PIBF1: variants seen among roughly 807,000 people sequenced by gnomAD.
The protein encoded by PIBF1 is progesterone-induced-blocking factor 1.
In PIBF1, 90 loss-of-function variants were observed where a neutral mutation model predicts 112.5. The ratio of observed to expected loss-of-function variants is 0.80; its 90% CI spans 0.67 to 0.95. PIBF1 has a LOEUF of 0.95. Among genes scored for constraint, PIBF1 ranks in the 40% least tolerant of loss-of-function variants. The pLI is 0.00. For synonymous variants in PIBF1, 301 were observed against 288.6 expected, an observed-to-expected ratio of 1.04 and a Z score of -0.44; for missense variants, 915 against 852.3, an observed-to-expected ratio of 1.07 and a Z score of -0.92.
chr13:72,954,837 T>C (rs1371968938), intron 14 of PIBF1, among the ~76,000 whole-genome samples: 1 of 152,194 alleles, frequency 6.6e-6, no homozygotes, highest in African/African-American at 2.4e-5. Flanking sequence ...ACAGTGTGAA[T>C]CTCTACACAT....
intron 9 of PIBF1, among the ~76,000 whole-genome samples, chr13:72,843,749 A>G (rs2037715642): frequency 1.3e-5 from 2 of 152,062 alleles, no homozygotes; most frequent in Non-Finnish European, 2.9e-5. Flanking sequence ...AGCCCTGACC[A>G]AGCTCAAAAG....
chr13:72,997,874 A>C (rs898670658), intron 16 of PIBF1, among the ~76,000 whole-genome samples: 1 of 2,478 alleles, frequency 4.0e-4, no homozygotes, highest in Middle Eastern at 0.25. Context: ...AATTAATCAT[A>C]AATACCCACT....
intron 14 of PIBF1, among the ~76,000 whole-genome samples, chr13:72,943,591 T>C (rs1200917836): frequency 6.6e-6 from 1 of 152,232 alleles, no homozygotes; most frequent in African/African-American, 2.4e-5. Context: ...CCAGATTCTT[T>C]AGCGTGGCAT....
intron 13 of PIBF1, among the ~76,000 whole-genome samples, chr13:72,924,336 G>A (rs941112993): frequency 6.6e-6 from 1 of 152,044 alleles, no homozygotes; most frequent in African/African-American, 2.4e-5. Flanking sequence ...ATTGGCAATA[G>A]GTGTACCTTA....
At chr13:72,994,340 G>A (rs1272464953) in intron 16 of PIBF1, among the ~76,000 whole-genome samples, 1 of 152,118 alleles carries the variant, frequency 6.6e-6, no homozygotes, top group Non-Finnish European at 1.5e-5. Context: ...TTCTATCAAT[G>A]AGAAAACAAA....
chr13:72,993,221 A>T (rs1036405319), intron 16 of PIBF1, among the ~76,000 whole-genome samples: 4 of 152,060 alleles, frequency 2.6e-5, no homozygotes, highest in African/African-American at 9.7e-5. Flanking sequence ...GCTACTCAGG[A>T]GGCTAAGGTG....
chr13:73,014,810 A>C (rs763141720), intron 17 of PIBF1, among the ~76,000 whole-genome samples: 2 of 151,930 alleles, frequency 1.3e-5, no homozygotes, highest in Non-Finnish European at 2.9e-5. Context: ...TTTTTTTTAC[A>C]TGATGTCTTG....
chr13:72,998,533 G>A (rs1476442497), intron 16 of PIBF1, among the ~76,000 whole-genome samples: 4 of 152,062 alleles, frequency 2.6e-5, no homozygotes, highest in Admixed American at 2.6e-4. Context: ...CAGTCTCTGG[G>A]GTTGGGACAC....
chr13:72,811,846 G>GA lies in PIBF1; in HGVS notation c.673-9995dup, dbSNP rs149939314. Among the ~76,000 whole-genome samples the GA allele has an allele frequency of 6.4e-3, 976 of 151,900 alleles. 13 individuals carry two copies. The highest frequency in any genetic ancestry group is 0.022 in the African/African-American group (903 of 41,396). On this transcript the variant is annotated intron_variant, in intron 5 of 17. Transcript: ENST00000326291. ...TGGCTTACGATAAAAGTGCATGAGGGAAAAAAAATTCATGGGAAAGCTAAA... is the reference window on the plus strand; with the variant it reads ...TGGCTTACGATAAAAGTGCATGAGGGAAAAAAAAATTCATGGGAAAGCTAAA...
At chr13:72,922,989 G>A (rs2041349074) in intron 13 of PIBF1, among the ~76,000 whole-genome samples, 1 of 152,126 alleles carries the variant, frequency 6.6e-6, no homozygotes, top group Admixed American at 6.5e-5. Flanking sequence ...TTTTGAAAGT[G>A]GGATCCTTCT....
intron 14 of PIBF1, among the ~76,000 whole-genome samples, chr13:72,960,290 G>T (rs1411720647): frequency 6.6e-6 from 1 of 152,078 alleles, no homozygotes; most frequent in Admixed American, 6.5e-5. Flanking sequence ...GCATGCCTGT[G>T]GTCCTGGCGA....
At chr13:72,990,736 T>C (rs1054451836) in intron 16 of PIBF1, among the ~76,000 whole-genome samples, 1 of 151,262 alleles carries the variant, frequency 6.6e-6, no homozygotes, top group East Asian at 2.0e-4. Flanking sequence ...TAATCCCAGC[T>C]ACTCAGGAGA....
intron 16 of PIBF1, among the ~76,000 whole-genome samples, chr13:72,987,856 TTA>T (rs201404784): frequency 0.065 from 4,162 of 64,170 alleles, 228 homozygotes; most frequent in South Asian, 0.14. Context: ...ATTTATTTAT[TTA>T]TTTTTTTTTT....
intron 12 of PIBF1, 112 bp downstream of exon 12, chr13:72,908,793 A>C: frequency 2.1e-6 from 2 of 937,342 alleles, no homozygotes; most frequent in Non-Finnish European, 3.1e-6. Flanking sequence ...TCATGCCTGT[A>C]ATCTTAGCAC....
At chr13:72,832,939 G>A (rs537441122) in intron 8 of PIBF1, among the ~76,000 whole-genome samples, 41 of 152,134 alleles carry the variant, frequency 2.7e-4, no homozygotes, top group African/African-American at 8.7e-4. Flanking sequence ...ACGTAGTCCC[G>A]TATTTCTTGG....
intron 17 of PIBF1, among the ~76,000 whole-genome samples, chr13:73,007,577 A>G (rs1443776916): frequency 6.6e-6 from 1 of 152,216 alleles, no homozygotes; most frequent in African/African-American, 2.4e-5. Flanking sequence ...TGGGAGGCCA[A>G]GGCGGGCAGA....
At chr13:72,824,291 A>G (rs1257254502) in intron 6 of PIBF1, among the ~76,000 whole-genome samples, 1 of 151,776 alleles carries the variant, frequency 6.6e-6, no homozygotes, top group Non-Finnish European at 1.5e-5. Context: ...TGCTGAGATG[A>G]CAGGTGTGAG....
chr13:72,994,326 T>G (rs1566529283), intron 16 of PIBF1, among the ~76,000 whole-genome samples: 1 of 152,250 alleles, frequency 6.6e-6, no homozygotes, highest in East Asian at 1.9e-4. Flanking sequence ...AAGGCGTACA[T>G]TGTTTCTATC....
intron 12 of PIBF1, among the ~76,000 whole-genome samples, chr13:72,911,887 T>C (rs2040906206): frequency 6.6e-6 from 1 of 151,938 alleles, no homozygotes; most frequent in Non-Finnish European, 1.5e-5. Context: ...TCCAACACTT[T>C]GGGAGGCTGA....
Sources: allele counts gnomAD v4.1 joint callset (sites outside exome capture counted in the v4.1 genomes callset), GRCh38; gene constraint gnomAD v4.1.1; transcripts MANE v1.5; gene names NCBI Gene and HGNC (gene_info 2026-07-23, HGNC 2026-07-21).